Variants in STARD13 observed in about 807,000 individuals in gnomAD.
The protein encoded by STARD13 is stAR-related lipid transfer protein 13.
In STARD13, 62 loss-of-function variants were observed where a neutral mutation model predicts 106.4. That is an observed-to-expected ratio of 0.58 (90% CI 0.48 to 0.72). The LOEUF is 0.72. Ranked by LOEUF, STARD13 falls within the 30% of genes least tolerant of loss-of-function variation. STARD13 has a pLI of 0.00. For missense variants in STARD13, 1,387 were observed against 1,424.0 expected (o/e 0.97, Z 0.42); for synonymous variants, 565 against 553.0 (o/e 1.02, Z -0.31).
chr13:33,125,219 C>T (rs1373723646), intron 7 of STARD13, among the ~76,000 whole-genome samples: 1 of 152,136 alleles, frequency 6.6e-6, no homozygotes, highest in East Asian at 1.9e-4. Flanking sequence ...TACAAATAAT[C>T]TTAGGTTGGT....
At chr13:33,422,960 T>C in the STARD13 span, among the ~76,000 whole-genome samples, 1 of 152,086 alleles carries the variant, frequency 6.6e-6, no homozygotes, top group African/African-American at 2.4e-5. Context: ...TGAATTAAAG[T>C]CTTAAATGTT....
the STARD13 span, among the ~76,000 whole-genome samples, chr13:33,673,706 C>T: frequency 6.6e-6 from 1 of 151,048 alleles, no homozygotes; most frequent in Non-Finnish European, 1.5e-5. Flanking sequence ...CCACACCCAG[C>T]TAATTTTTGT....
the STARD13 span, among the ~76,000 whole-genome samples, chr13:33,422,673 C>G: frequency 6.6e-6 from 1 of 152,192 alleles, no homozygotes; most frequent in Admixed American, 6.6e-5. Flanking sequence ...CTGGAGGCAT[C>G]ATGCTACCTG....
chr13:33,246,719 TAAGA>T (rs962628376), intron 1 of STARD13, among the ~76,000 whole-genome samples: 1 of 150,920 alleles, frequency 6.6e-6, no homozygotes, highest in African/African-American at 2.4e-5. Flanking sequence ...AAACAAAAAC[TAAGA>T]GAGAGAGAGA....
chr13:33,325,931 G>A (rs1037031644), intron 1 of STARD13, among the ~76,000 whole-genome samples: 2 of 143,332 alleles, frequency 1.4e-5, no homozygotes, highest in African/African-American at 2.6e-5. Context: ...CTTGCAGTGA[G>A]CCGAAATAGC....
Position 33,110,040 on chromosome 13 carries a change from T to C in STARD13, c.2880A>G (p.Glu960=), listed in dbSNP as rs200217734. ...LKLWKASVEV[E]APPSVVLNRV... The stretch of plus-strand genomic sequence containing the variant: ...GGTTCAGGACCACTGAGGGGGGTGC[T>C]TCCACCTCCACAGAAGCCTTCCACA... The change falls in exon 12 of 14, where the codon GAA becomes GAG. Residue 960 remains glutamate (E), a synonymous_variant. Coordinates refer to ENST00000336934, the MANE Select transcript of STARD13 (RefSeq NM_178006.4). The C allele has an allele frequency of 5.0e-6, 8 of 1,614,228 alleles. No homozygotes were observed. The highest frequency in any genetic ancestry group is 1.6e-4 in the Middle Eastern group (1 of 6,062).
chr13:33,460,489 T>TAA, the STARD13 span, among the ~76,000 whole-genome samples: 1 of 138,080 alleles, frequency 7.2e-6, no homozygotes. Context: ...GACTCCATCT[T>TAA]AAAAAAAAAA....
chr13:33,607,487 G>A, the STARD13 span, among the ~76,000 whole-genome samples: 1 of 151,862 alleles, frequency 6.6e-6, no homozygotes, highest in African/African-American at 2.4e-5. Context: ...TAGTAGAGAT[G>A]AGGTTTCACT....
the STARD13 span, among the ~76,000 whole-genome samples, chr13:33,515,152 G>T: frequency 6.6e-6 from 1 of 152,148 alleles, no homozygotes; most frequent in South Asian, 2.1e-4. Context: ...TATCAAAAAA[G>T]TGGAATCTTT....
chr13:33,650,481 C>A, the STARD13 span, among the ~76,000 whole-genome samples: 8 of 152,012 alleles, frequency 5.3e-5, no homozygotes, highest in Non-Finnish European at 1.0e-4. Context: ...TGAGCCACCG[C>A]GCCCGGCCGA....
chr13:33,268,640 A>T (rs537387879), intron 1 of STARD13, among the ~76,000 whole-genome samples: 5 of 152,246 alleles, frequency 3.3e-5, no homozygotes, highest in African/African-American at 1.2e-4. Context: ...TGGAACTAAG[A>T]TTTGAACGTA....
At chr13:33,116,305 C>A (rs912405480) in intron 8 of STARD13, among the ~76,000 whole-genome samples, 1 of 152,180 alleles carries the variant, frequency 6.6e-6, no homozygotes, top group Non-Finnish European at 1.5e-5. Flanking sequence ...CTCCATGAAG[C>A]CCTCATTCTT....
chr13:33,241,996 C>A (rs577169865), intron 1 of STARD13, among the ~76,000 whole-genome samples: 45 of 152,068 alleles, frequency 3.0e-4, no homozygotes, highest in Non-Finnish European at 1.9e-4. Flanking sequence ...TCTGCCTGGC[C>A]GCCCATGGTC....
intron 3 of STARD13, among the ~76,000 whole-genome samples, chr13:33,144,007 T>C (rs1472746714): frequency 1.3e-5 from 2 of 152,260 alleles, no homozygotes; most frequent in African/African-American, 4.8e-5. Flanking sequence ...CTCATCTCTC[T>C]GGACACCATC....
At chr13:33,474,949 TAAC>T in the STARD13 span, among the ~76,000 whole-genome samples, 1 of 152,224 alleles carries the variant, frequency 6.6e-6, no homozygotes, top group Admixed American at 6.5e-5. Context: ...CTTGAAATGA[TAAC>T]AAGTTTTGCT....
the STARD13 span, among the ~76,000 whole-genome samples, chr13:33,559,209 A>G: frequency 6.6e-6 from 1 of 151,684 alleles, no homozygotes; most frequent in Non-Finnish European, 1.5e-5. Context: ...ACTATTTTCT[A>G]AACTACATTA....
chr13:33,593,817 G>A, the STARD13 span, among the ~76,000 whole-genome samples: 2 of 152,068 alleles, frequency 1.3e-5, no homozygotes, highest in African/African-American at 4.8e-5. Context: ...CTAGAGATGG[G>A]ATCAGTCCCC....
chr13:33,336,719 G>C (rs2077900591), intron 1 of STARD13: 1 of 131,468 alleles, frequency 7.6e-6, no homozygotes, highest in African/African-American at 2.9e-5. Flanking sequence ...TCACACCACT[G>C]CACTCCATCC....
At chr13:33,407,508 C>A in the STARD13 span, among the ~76,000 whole-genome samples, 2 of 152,004 alleles carry the variant, frequency 1.3e-5, no homozygotes, top group Admixed American at 1.3e-4. Context: ...TTTTTCTGGG[C>A]AATACTAGGT....
Sources: allele counts gnomAD v4.1 joint callset (sites outside exome capture counted in the v4.1 genomes callset), GRCh38; gene constraint gnomAD v4.1.1; transcripts MANE v1.5; gene names NCBI Gene and HGNC (gene_info 2026-07-23, HGNC 2026-07-21).